PDE4D: variants seen among roughly 807,000 people sequenced by gnomAD.
PDE4D encodes the protein phosphodiesterase 4D.
In PDE4D, 24 loss-of-function variants were observed where a neutral mutation model predicts 87.4. The ratio of observed to expected loss-of-function variants is 0.27; its 90% CI spans 0.20 to 0.39. PDE4D has a LOEUF of 0.39. Among genes scored for constraint, PDE4D ranks in the 10% least tolerant of loss-of-function variants. The pLI, the probability that PDE4D is intolerant of heterozygous loss-of-function variation, is 1.00. For missense variants in PDE4D, 714 were observed against 1,041.0 expected, an observed-to-expected ratio of 0.69 and a Z score of 4.32; for synonymous variants, 384 against 383.2, an observed-to-expected ratio of 1.00 and a Z score of -0.02.
chr5:60,331,906 G>A (rs1757334786), intron 1 of PDE4D, among the ~76,000 whole-genome samples: 1 of 152,158 alleles, frequency 6.6e-6, no homozygotes, highest in Admixed American at 6.5e-5. Flanking sequence ...TTATAGGAAT[G>A]CTACTCATGT....
chr5:59,454,997 G>A (rs1292517443), intron 1 of PDE4D, among the ~76,000 whole-genome samples: 1 of 152,176 alleles, frequency 6.6e-6, no homozygotes, highest in Non-Finnish European at 1.5e-5. Flanking sequence ...AGGTGACTTG[G>A]GTGCCGTTAA....
intron 1 of PDE4D, among the ~76,000 whole-genome samples, chr5:60,382,827 A>C (rs530002040): frequency 3.9e-5 from 6 of 152,244 alleles, no homozygotes; most frequent in Non-Finnish European, 7.3e-5. Context: ...CATATGAGAC[A>C]GTGAGCGCTA....
upstream of PDE4D, among the ~76,000 whole-genome samples, chr5:59,894,601 T>G (rs1751440323): frequency 6.6e-6 from 1 of 152,208 alleles, no homozygotes; most frequent in Admixed American, 6.5e-5. Context: ...CTGAGCCCGC[T>G]GGCCAGAGTT....
chr5:59,995,219 T>G (rs1329942104), intron 2 of PDE4D, among the ~76,000 whole-genome samples: 1 of 152,164 alleles, frequency 6.6e-6, no homozygotes, highest in African/African-American at 2.4e-5. Flanking sequence ...GTCATTTTCA[T>G]TTAGTCTCAT....
At chr5:60,432,929 T>G (rs1744470145) in intron 1 of PDE4D, among the ~76,000 whole-genome samples, 1 of 152,078 alleles carries the variant, frequency 6.6e-6, no homozygotes, top group African/African-American at 2.4e-5. Context: ...AAAAATCAAC[T>G]CAAGATGGAT....
At chr5:59,693,033 A>G (rs1185525863) in intron 1 of PDE4D, among the ~76,000 whole-genome samples, 2 of 152,094 alleles carry the variant, frequency 1.3e-5, no homozygotes, top group African/African-American at 4.8e-5. Flanking sequence ...TGTGCACATT[A>G]ATTATAATAT....
At chr5:59,124,971 T>C (rs1483058420) in intron 5 of PDE4D, among the ~76,000 whole-genome samples, 1 of 150,028 alleles carries the variant, frequency 6.7e-6, no homozygotes, top group Non-Finnish European at 1.5e-5. Flanking sequence ...GGTACATTTC[T>C]TTTCTTTTCT....
intron 1 of PDE4D, among the ~76,000 whole-genome samples, chr5:59,440,121 A>G (rs1797376397): frequency 6.6e-6 from 1 of 152,310 alleles, no homozygotes; most frequent in African/African-American, 2.4e-5. Context: ...TTCTTGATAG[A>G]CTATTGCTAC....
intron 1 of PDE4D, among the ~76,000 whole-genome samples, chr5:59,220,709 A>T (rs1561743010): frequency 6.6e-6 from 1 of 152,076 alleles, no homozygotes; most frequent in Admixed American, 6.6e-5. Context: ...TCAATAGTCC[A>T]CATCGTGGTG....
intron 5 of PDE4D, among the ~76,000 whole-genome samples, chr5:59,048,292 T>C (rs1761022000): frequency 6.6e-6 from 1 of 152,322 alleles, no homozygotes; most frequent in East Asian, 1.9e-4. Flanking sequence ...TAGGAATCAA[T>C]TTTATTTCCC....
chr5:60,317,081 C>T (rs2149828575), intron 1 of PDE4D, among the ~76,000 whole-genome samples: 1 of 152,242 alleles, frequency 6.6e-6, no homozygotes, highest in African/African-American at 2.4e-5. Flanking sequence ...CCTCCTTGTA[C>T]CTCTGGTAGA....
chr5:59,882,844 C>A (rs1460350725), intron 1 of PDE4D, among the ~76,000 whole-genome samples: 4 of 150,460 alleles, frequency 2.7e-5, no homozygotes, highest in Non-Finnish European at 5.9e-5. Context: ...GTGGCGCGAT[C>A]TTGGCTCACT....
chr5:60,122,751 A>G (rs768164374), intron 2 of PDE4D, among the ~76,000 whole-genome samples: 2 of 152,246 alleles, frequency 1.3e-5, no homozygotes, highest in Non-Finnish European at 2.9e-5. Flanking sequence ...GCCTCTCGTT[A>G]CTTATGCAAA....
chr5:60,513,582 T>C (rs1319907084), intron 1 of PDE4D, among the ~76,000 whole-genome samples: 1 of 152,040 alleles, frequency 6.6e-6, no homozygotes, highest in African/African-American at 2.4e-5. Flanking sequence ...AACTTCAACA[T>C]ATATAGAACA....
chr5:60,080,039 T>C (rs967183318), intron 2 of PDE4D, among the ~76,000 whole-genome samples: 1 of 152,214 alleles, frequency 6.6e-6, no homozygotes, highest in African/African-American at 2.4e-5. Context: ...GTTTGTGTCC[T>C]CTCTTATTTC....
chr5:59,504,394 T>C (rs1808857544), intron 1 of PDE4D, among the ~76,000 whole-genome samples: 1 of 152,164 alleles, frequency 6.6e-6, no homozygotes, highest in Non-Finnish European at 1.5e-5. Flanking sequence ...TAACTGAGGT[T>C]CAAAAGGAAA....
intron 1 of PDE4D, among the ~76,000 whole-genome samples, chr5:59,735,847 T>G (rs557557157): frequency 6.6e-6 from 1 of 152,194 alleles, no homozygotes; most frequent in Admixed American, 6.5e-5. Flanking sequence ...TTAAATATTT[T>G]TAGTACAGAC....
intron 5 of PDE4D, among the ~76,000 whole-genome samples, chr5:59,049,164 T>G (rs1175305715): frequency 6.6e-6 from 1 of 152,242 alleles, no homozygotes; most frequent in African/African-American, 2.4e-5. Context: ...GGCTTCTGCC[T>G]GTATGACTTT....
At chr5:59,324,313 C>T (rs1775255579) in intron 1 of PDE4D, among the ~76,000 whole-genome samples, 1 of 152,142 alleles carries the variant, frequency 6.6e-6, no homozygotes, top group Non-Finnish European at 1.5e-5. Flanking sequence ...TTCCTTCCTA[C>T]TAGGCCCCCA....
Sources: gnomAD v4.1 joint callset for allele counts (sites outside exome capture counted in the v4.1 genomes callset) on GRCh38, gnomAD v4.1.1 for gene constraint, MANE v1.5 for transcripts, NCBI Gene and HGNC (gene_info 2026-07-23, HGNC 2026-07-21) for gene names.